PTK2: variants seen among roughly 807,000 people sequenced by gnomAD.
PTK2 encodes the protein focal adhesion kinase 1.
A neutral mutation model predicts 150.1 loss-of-function variants in PTK2; 45 were observed. The observed-to-expected ratio is 0.30, with a 90% confidence interval of 0.24 to 0.38. PTK2 has a LOEUF of 0.38. Ranked by LOEUF, PTK2 falls within the 10% of genes least tolerant of loss-of-function variation. PTK2 has a pLI of 1.00. For missense variants in PTK2, 919 were observed against 1,307.3 expected, an observed-to-expected ratio of 0.70 and a Z score of 4.58; for synonymous variants, 432 against 449.2, an observed-to-expected ratio of 0.96 and a Z score of 0.48.
chr8:140,988,398 C>T (rs1253228931), intron 1 of PTK2, among the ~76,000 whole-genome samples: 1 of 152,188 alleles, frequency 6.6e-6, no homozygotes, highest in Non-Finnish European at 1.5e-5. Context: ...CAGCTTAGTG[C>T]TTGTGGAATC....
chr8:140,996,103 GGAAAA>G (rs1456103095), intron 1 of PTK2, among the ~76,000 whole-genome samples: 7 of 151,544 alleles, frequency 4.6e-5, no homozygotes, highest in African/African-American at 1.7e-4. Flanking sequence ...ACAAAACAAA[GGAAAA>G]GAAAACAGCC....
chr8:140,899,216 T>G (rs1159517341), intron 2 of PTK2, among the ~76,000 whole-genome samples: 2 of 152,182 alleles, frequency 1.3e-5, no homozygotes. Flanking sequence ...TGAATCTGGG[T>G]GGGCTTCTGA....
chr8:140,959,590 A>G (rs990111652), intron 1 of PTK2, among the ~76,000 whole-genome samples: 19 of 151,544 alleles, frequency 1.3e-4, no homozygotes. Context: ...CCCCTCAGAA[A>G]TGGTGGACTT....
chr8:140,920,810 A>G, intron 2 of PTK2: 1 of 1,496,094 alleles, frequency 6.7e-7, no homozygotes, highest in East Asian at 2.6e-5. Flanking sequence ...TAAGTTATTT[A>G]TACCTTTAGC....
chr8:140,715,055 T>C (rs376791311), intron 23 of PTK2, among the ~76,000 whole-genome samples: 1 of 151,700 alleles, frequency 6.6e-6, no homozygotes, highest in East Asian at 1.9e-4. Flanking sequence ...TGATTCTGAT[T>C]GGCATGAAAG....
intron 1 of PTK2, among the ~76,000 whole-genome samples, chr8:140,991,704 T>C (rs966799751): frequency 6.6e-6 from 1 of 152,154 alleles, no homozygotes; most frequent in African/African-American, 2.4e-5. Flanking sequence ...AGCACCAAGA[T>C]GGCAAGTTTA....
intron 6 of PTK2, 76 bp from the exon 7 acceptor site, chr8:140,846,398 A>T: frequency 6.9e-7 from 1 of 1,448,248 alleles, no homozygotes; most frequent in African/African-American, 1.4e-5. Context: ...AAACTGGGGG[A>T]GAGGCATCTG....
chr8:140,740,590 T>G (rs762630299), intron 20 of PTK2, among the ~76,000 whole-genome samples: 24 of 152,224 alleles, frequency 1.6e-4, no homozygotes, highest in Non-Finnish European at 3.4e-4. Context: ...TTAACCTTTC[T>G]GAGAAGATAT....
chr8:140,780,145 T>G (rs2100080845), intron 14 of PTK2, among the ~76,000 whole-genome samples: 1 of 152,158 alleles, frequency 6.6e-6, no homozygotes, highest in African/African-American at 2.4e-5. Flanking sequence ...AAGCAGCTGG[T>G]GAGGGAACGC....
chr8:140,699,912 C>G (rs1190604438), intron 26 of PTK2, among the ~76,000 whole-genome samples: 1 of 151,860 alleles, frequency 6.6e-6, no homozygotes, highest in Non-Finnish European at 1.5e-5. Flanking sequence ...ATGGACAGGT[C>G]CACATTCCTC....
chr8:140,811,559 G>A (rs761786135), intron 10 of PTK2, among the ~76,000 whole-genome samples: 1 of 152,176 alleles, frequency 6.6e-6, no homozygotes, highest in Admixed American at 6.5e-5. Context: ...TTCTGAACTG[G>A]GTTGAGATGG....
At chr8:140,817,330 G>A (rs1474997760) in intron 10 of PTK2, among the ~76,000 whole-genome samples, 12 of 152,136 alleles carry the variant, frequency 7.9e-5, no homozygotes, top group Admixed American at 7.9e-4. Context: ...GGAAACCAGA[G>A]TACACTTGGA....
intron 17 of PTK2, chr8:140,750,370 GC>G (rs1163075746): frequency 6.6e-6 from 1 of 152,240 alleles, no homozygotes; most frequent in East Asian, 1.9e-4. Context: ...GGAGTGGTGA[GC>G]GAAACAAACA....
chr8:140,969,465 A>G (rs1168000722), intron 1 of PTK2, among the ~76,000 whole-genome samples: 1 of 152,160 alleles, frequency 6.6e-6, no homozygotes, highest in Non-Finnish European at 1.5e-5. Context: ...AAGATTACCA[A>G]TGACCTCAAT....
rs148699632 is a variant in PTK2, at chr8:140,742,082, G to A, written c.1735+1148C>T. 5.3e-3 allele frequency among the ~76,000 whole-genome samples: 813 copies of A among 152,286 alleles called. 4 individuals carry two copies. Among genetic ancestry groups the A allele is most frequent in the Non-Finnish European group, 8.2e-3 (556 of 68,018 alleles). ...GCTCAGGAGGTCGAGACTGTAATGA[G>A]CCATGTTTGCGCCACTGCACTCCAG... is the stretch of plus-strand genomic sequence containing the variant. On this transcript the variant is annotated intron_variant, in intron 20 of 31. Coordinates refer to ENST00000522684, the Ensembl canonical transcript of PTK2.
At chr8:140,668,627 C>T (rs1207067587) in intron 29 of PTK2, 35 of 535,274 alleles carry the variant, frequency 6.5e-5, no homozygotes, top group Non-Finnish European at 1.1e-4. Context: ...TATTTTCTTT[C>T]TAACTTTGAG....
At chr8:140,737,004 G>GT (rs927946561) in intron 21 of PTK2, among the ~76,000 whole-genome samples, 2 of 152,114 alleles carry the variant, frequency 1.3e-5, no homozygotes, top group African/African-American at 4.8e-5. Flanking sequence ...AAAGTAAAGA[G>GT]TATCTGACAA....
chr8:140,667,281 A>C (rs1376505933), intron 30 of PTK2, among the ~76,000 whole-genome samples: 1 of 152,160 alleles, frequency 6.6e-6, no homozygotes, highest in Non-Finnish European at 1.5e-5. Context: ...CGTGTATTTT[A>C]CTATAGTGAA....
intron 31 of PTK2, among the ~76,000 whole-genome samples, chr8:140,663,854 G>A (rs1001728644): frequency 2.0e-5 from 3 of 151,988 alleles, no homozygotes; most frequent in South Asian, 2.1e-4. Context: ...ACAGAGTCTC[G>A]CTTTGTTGCC....
Sources: gnomAD v4.1 joint callset for allele counts (sites outside exome capture counted in the v4.1 genomes callset) on GRCh38, gnomAD v4.1.1 for gene constraint, MANE v1.5 for transcripts, NCBI Gene and HGNC (gene_info 2026-07-23, HGNC 2026-07-21) for gene names.